Variants in EIF4G3 observed in about 807,000 individuals in gnomAD.
The protein encoded by EIF4G3 is eukaryotic translation initiation factor 4 gamma 3, also known as eIF-4-gamma 3.
A neutral mutation model predicts 186.4 loss-of-function variants in EIF4G3; 34 were observed. The observed-to-expected ratio is 0.18, with a 90% confidence interval of 0.14 to 0.24. The LOEUF is 0.24. Among genes scored for constraint, EIF4G3 ranks in the 10% least tolerant of loss-of-function variants. The pLI, the probability that EIF4G3 is intolerant of heterozygous loss-of-function variation, is 1.00. For missense variants in EIF4G3, 1,536 were observed against 1,948.5 expected (o/e 0.79, Z 3.99); for synonymous variants, 673 against 679.5 (o/e 0.99, Z 0.15).
chr1:21,144,602 G>C (rs1240423204), intron 2 of EIF4G3, among the ~76,000 whole-genome samples: 1 of 151,940 alleles, frequency 6.6e-6, no homozygotes, highest in African/African-American at 2.4e-5. Flanking sequence ...GAACTCTTAA[G>C]AAATAAAAGC....
chr1:20,827,061 CGTAA>C (rs1012665475), intron 32 of EIF4G3, among the ~76,000 whole-genome samples: 11 of 152,076 alleles, frequency 7.2e-5, no homozygotes, highest in Non-Finnish European at 1.3e-4. Flanking sequence ...TTGAGTCAGG[CGTAA>C]GTAAGTCAGA....
At position 21,030,805 on chromosome 1, in the gene EIF4G3, T is replaced by C. The variant is rs577369203; in HGVS notation, c.-67+20061A>G. 3.9e-5 allele frequency among the ~76,000 whole-genome samples: 6 copies of C among 152,336 alleles called. 1 individual carries two copies. In the South Asian group the frequency reaches 1.0e-3, roughly 26 times the overall value. On this transcript the variant is annotated intron_variant, in intron 4 of 36. Coordinates refer to ENST00000602326, the MANE Select transcript of EIF4G3 (RefSeq NM_001391906.1). Reference sequence around the variant, plus strand: ...CACAGTGGCTCTAATAGCGACCACATTGGACAGTGCAGATCTAGACTGTGT... The same window carrying C: ...CACAGTGGCTCTAATAGCGACCACACTGGACAGTGCAGATCTAGACTGTGT...
In EIF4G3 at chr1:20,981,082, G is replaced by A; in HGVS notation, c.344C>T (p.Pro115Leu). ...ACAGTACTGAGGCCCCTGGGGCACTGGGTACGGCATGGGCAGATGGTTAAC... is the reference window on the plus strand; with the variant it reads ...ACAGTACTGAGGCCCCTGGGGCACTAGGTACGGCATGGGCAGATGGTTAAC... ...MMVNHLPMPY[P>L]VPQGPQYCIP... is the part of the protein sequence containing the mutation. The change falls in exon 9 of 37, where the codon CCA becomes CTA. Residue 115 changes from proline to leucine, a missense_variant. By Grantham distance (98) the Pro-to-Leu change is moderately conservative. This residue lies in a region of EIF4G3 where 194 missense variants were observed against 212.8 expected (regional missense o/e 0.91). Coordinates refer to ENST00000602326, the MANE Select transcript of EIF4G3 (RefSeq NM_001391906.1). The A allele has an allele frequency of 6.2e-7, 1 of 1,612,598 alleles. No individual in the cohort carries two copies. Among genetic ancestry groups the A allele is most frequent in the East Asian group, 2.2e-5 (1 of 44,868 alleles).
intron 5 of EIF4G3, 118 bp from the exon 6 acceptor site, chr1:21,001,430 C>T: frequency 2.5e-6 from 1 of 399,944 alleles, no homozygotes; most frequent in South Asian, 1.9e-5. Context: ...TGGGGGTATA[C>T]AGAAAGAGGG....
At chr1:21,065,974 C>T (rs916554400) in intron 3 of EIF4G3, among the ~76,000 whole-genome samples, 1 of 151,844 alleles carries the variant, frequency 6.6e-6, no homozygotes, top group African/African-American at 2.4e-5. Flanking sequence ...AAAATAAATA[C>T]TTGACCAGCC....
At chr1:21,000,455 T>C (rs187026151) in intron 6 of EIF4G3, among the ~76,000 whole-genome samples, 3 of 152,206 alleles carry the variant, frequency 2.0e-5, no homozygotes, top group Admixed American at 2.0e-4. Context: ...GAAGAGGCCC[T>C]GCCTCAATGT....
chr1:21,046,181 A>C (rs914263333), intron 4 of EIF4G3, among the ~76,000 whole-genome samples: 13 of 152,216 alleles, frequency 8.5e-5, no homozygotes, highest in Non-Finnish European at 1.5e-5. Flanking sequence ...AGATTGTTCA[A>C]AAGTGTTGCC....
chr1:20,899,981 C>A, intron 15 of EIF4G3, 38 bp from the exon 16 acceptor site: 1 of 1,578,706 alleles, frequency 6.3e-7, no homozygotes, highest in Non-Finnish European at 8.6e-7. Context: ...CATTTTTTTC[C>A]ACGGGTGTAA....
intron 14 of EIF4G3, among the ~76,000 whole-genome samples, chr1:20,927,953 G>A (rs2095039053): frequency 6.6e-6 from 1 of 152,012 alleles, no homozygotes; most frequent in Admixed American, 6.6e-5. Context: ...AATCTCAAAG[G>A]CTCAAGCAAT....
At chr1:21,044,903 G>T (rs571228080) in intron 4 of EIF4G3, among the ~76,000 whole-genome samples, 2 of 152,264 alleles carry the variant, frequency 1.3e-5, no homozygotes, top group East Asian at 3.9e-4. Flanking sequence ...GCTGAGGCTG[G>T]AGGACTGTAT....
chr1:21,051,158 A>C (rs1404246675), intron 3 of EIF4G3, among the ~76,000 whole-genome samples, 164 bp from the exon 4 acceptor site: 2 of 152,240 alleles, frequency 1.3e-5, no homozygotes, highest in Admixed American at 6.5e-5. Context: ...TGAAAAAAAC[A>C]GAATTCTTTA....
In EIF4G3 at chr1:20,895,512, G is replaced by A. The variant is rs369551361; in HGVS notation, c.2000-11C>T. The A allele has an allele frequency of 6.2e-6, 10 of 1,613,010 alleles. No individual in the cohort carries two copies. The highest frequency in any genetic ancestry group is 8.5e-6 in the Non-Finnish European group (10 of 1,179,408). ...TAGGCTTCCAGGATTCTAGAAAGAG[G>A]AATATAGGCAGACACTGTTTGTAGG... On this transcript the variant is annotated splice_polypyrimidine_tract_variant and intron_variant, in intron 16 of 36. Transcript: ENST00000602326.
At chr1:21,158,936 T>C (rs2097710332) in intron 2 of EIF4G3, among the ~76,000 whole-genome samples, 1 of 151,326 alleles carries the variant, frequency 6.6e-6, no homozygotes, top group Non-Finnish European at 1.5e-5. Context: ...CTGCAGGTCC[T>C]AGTACAATCT....
At chr1:20,857,281 T>C in intron 25 of EIF4G3, 122 bp downstream of exon 25, 1 of 799,424 alleles carries the variant, frequency 1.3e-6, no homozygotes, top group Non-Finnish European at 2.1e-6. Flanking sequence ...ATTGCTGTTT[T>C]ACTTTAATAA....
chr1:21,040,595 C>A (rs2093512120), intron 4 of EIF4G3, among the ~76,000 whole-genome samples: 1 of 152,120 alleles, frequency 6.6e-6, no homozygotes, highest in Non-Finnish European at 1.5e-5. Flanking sequence ...TGTTTTTAAT[C>A]TTTCTGTGTC....
Position 20,982,236 on chromosome 1 carries a change from T to C in EIF4G3, c.198+152A>G, listed in dbSNP as rs75376064. The stretch of plus-strand genomic sequence containing the variant: ...TCAAAATGGCAACCAGTACCTGTAG[T>C]TATAATTTTCACTGCAAGATTAAAA... On this transcript the variant is annotated intron_variant, in intron 8 of 36. Transcript: ENST00000602326. 4.0e-3 allele frequency among the ~76,000 whole-genome samples: 602 copies of C among 152,320 alleles called. 6 individuals are homozygous for C. The highest frequency in any genetic ancestry group is 0.014 in the African/African-American group (563 of 41,562).
rs371111285 is a variant in EIF4G3, at chr1:20,813,002, G to A, written c.4597+156C>T. 2.8e-4 allele frequency among the ~76,000 whole-genome samples: 43 copies of A among 152,318 alleles called. 3 individuals carry two copies. Among genetic ancestry groups the A allele is most frequent in the African/African-American group, 8.2e-4 (34 of 41,566 alleles). ...GGAGCAGCTATTTGTCTCCACGCTT[G>A]AGACAACCAGGCATCACAGACAGAA... On this transcript the variant is annotated intron_variant, in intron 35 of 36. Transcript: ENST00000602326.
chr1:20,917,862 C>A (rs774260777), intron 14 of EIF4G3, among the ~76,000 whole-genome samples: 46 of 151,866 alleles, frequency 3.0e-4, no homozygotes, highest in Non-Finnish European at 3.7e-4. Flanking sequence ...TATCAAAATA[C>A]GATAATGTAT....
At chr1:20,884,510 A>C (rs1215748097) in intron 19 of EIF4G3, among the ~76,000 whole-genome samples, 2 of 152,258 alleles carry the variant, frequency 1.3e-5, no homozygotes, top group African/African-American at 4.8e-5. Flanking sequence ...AGTTTTAACT[A>C]TCTTTATAAG....
Sources: allele counts gnomAD v4.1 joint callset (sites outside exome capture counted in the v4.1 genomes callset), GRCh38; gene constraint gnomAD v4.1.1; regional missense constraint gnomAD v4.1.1; transcripts MANE v1.5; gene names NCBI Gene and HGNC (gene_info 2026-07-23, HGNC 2026-07-21).